Variants in TANC2 observed in about 807,000 individuals in gnomAD.
The protein encoded by TANC2 is protein TANC2.
A neutral mutation model predicts 210.5 loss-of-function variants in TANC2; 26 were observed. The ratio of observed to expected loss-of-function variants is 0.12; its 90% CI spans 0.09 to 0.17. TANC2 has a LOEUF of 0.17. Ranked by LOEUF, TANC2 falls within the 10% of genes least tolerant of loss-of-function variation. The probability of loss-of-function intolerance (pLI) is 1.00; values close to 1 mark genes in which losing one functional copy is unlikely to be tolerated. For synonymous variants in TANC2, 931 were observed against 967.1 expected, an observed-to-expected ratio of 0.96 and a Z score of 0.69; for missense variants, 2,129 against 2,608.9, an observed-to-expected ratio of 0.82 and a Z score of 4.01.
At chr17:63,069,992 C>G (rs1004080275) in intron 2 of TANC2, among the ~76,000 whole-genome samples, 5 of 152,024 alleles carry the variant, frequency 3.3e-5, no homozygotes, top group Non-Finnish European at 5.9e-5. Context: ...GCTTTTATTT[C>G]CTTATTAACT....
Position 63,228,292 on chromosome 17 carries a change from T to C in TANC2, c.770-9522T>C, listed in dbSNP as rs1441012136. On this transcript the variant is annotated intron_variant, in intron 7 of 27. Coordinates refer to ENST00000689528, the Ensembl canonical transcript of TANC2. The stretch of plus-strand genomic sequence containing the variant: ...TCTATTCTGTTCCATGGTCTATGTG[T>C]CTGTTTTTGTACTAGTACCATGCTG... 2.0e-5 allele frequency among the ~76,000 whole-genome samples: 3 copies of C among 152,190 alleles called. 1 individual carries two copies. The highest frequency in any genetic ancestry group is 2.0e-4 in the Admixed American group (3 of 15,274).
At chr17:63,207,131 CTAAA>C (rs796645304) in intron 7 of TANC2, among the ~76,000 whole-genome samples, 7 of 150,952 alleles carry the variant, frequency 4.6e-5, no homozygotes, top group African/African-American at 1.5e-4. Flanking sequence ...ATTTGTATCC[CTAAA>C]TAATTTATTA....
chr17:63,254,118 T>G (rs1444058201), intron 8 of TANC2, among the ~76,000 whole-genome samples: 1 of 152,208 alleles, frequency 6.6e-6, no homozygotes, highest in African/African-American at 2.4e-5. Flanking sequence ...TTCCAGTCAA[T>G]GAACATGAAA....
chr17:63,290,708 A>G (rs563526991), intron 9 of TANC2, among the ~76,000 whole-genome samples: 1 of 152,180 alleles, frequency 6.6e-6, no homozygotes, highest in Admixed American at 6.5e-5. Flanking sequence ...TGGGAGGGTT[A>G]ATCTAGTGCC....
exon 28 of TANC2, chr17:63,423,086 C>T (rs1346965635): frequency 1.3e-5 from 2 of 152,218 alleles, no homozygotes; most frequent in Non-Finnish European, 1.5e-5. Flanking sequence ...CCAATATTTC[C>T]ACCCAGGGTC....
At chr17:63,368,618 A>C (rs2047176153) in intron 14 of TANC2, among the ~76,000 whole-genome samples, 1 of 152,230 alleles carries the variant, frequency 6.6e-6, no homozygotes. Flanking sequence ...GGCAGTTTCA[A>C]GGAGGGGATG....
chr17:63,181,700 C>T (rs1237199598), intron 5 of TANC2, among the ~76,000 whole-genome samples: 1 of 152,170 alleles, frequency 6.6e-6, no homozygotes, highest in East Asian at 1.9e-4. Context: ...ATGATTGAAC[C>T]TCCAAGGACC....
chr17:63,188,115 G>A (rs986799439), intron 5 of TANC2, among the ~76,000 whole-genome samples: 3 of 151,942 alleles, frequency 2.0e-5, no homozygotes, highest in Non-Finnish European at 4.4e-5. Flanking sequence ...TACACAAAAT[G>A]TACCCAAAAA....
chr17:63,227,214 C>T (rs1283156803), intron 7 of TANC2, among the ~76,000 whole-genome samples: 1 of 152,170 alleles, frequency 6.6e-6, no homozygotes, highest in Non-Finnish European at 1.5e-5. Flanking sequence ...TTTACATTCC[C>T]ACCAATAGTG....
intron 3 of TANC2, among the ~76,000 whole-genome samples, chr17:63,087,737 G>A (rs956684697): frequency 1.3e-5 from 2 of 152,086 alleles, no homozygotes; most frequent in African/African-American, 4.8e-5. Flanking sequence ...TGATTTCTCA[G>A]GCTTGTCTGC....
chr17:63,334,879 A>C lies in TANC2; in HGVS notation c.1576-5222A>C, dbSNP rs1349691491. On this transcript the variant is annotated intron_variant, in intron 11 of 27. Coordinates refer to ENST00000689528, the Ensembl canonical transcript of TANC2. ...CATGGCATGTGTCCAGCTTCTGAGG[A>C]GGCCTTGGGGAGCTTTCATTCATGG... Among the ~76,000 whole-genome samples the C allele has an allele frequency of 2.6e-5, 4 of 152,272 alleles. No homozygotes were observed. In the East Asian group the frequency reaches 5.8e-4, roughly 22 times the overall value.
chr17:63,394,971 A>G (rs1408883291), intron 17 of TANC2, among the ~76,000 whole-genome samples: 3 of 152,234 alleles, frequency 2.0e-5, no homozygotes, highest in African/African-American at 7.2e-5. Flanking sequence ...AATCAGTAGG[A>G]AAGCCAGAAA....
At chr17:63,006,068 A>C (rs2033614936) in intron 1 of TANC2, among the ~76,000 whole-genome samples, 1 of 152,040 alleles carries the variant, frequency 6.6e-6, no homozygotes, top group Admixed American at 6.6e-5. Flanking sequence ...TAAATGTTAA[A>C]TTTGGTATAA....
At chr17:63,203,414 A>G (rs1024039187) in intron 7 of TANC2, among the ~76,000 whole-genome samples, 2 of 152,192 alleles carry the variant, frequency 1.3e-5, no homozygotes. Context: ...TGCCATATAC[A>G]GTATCTGTGC....
At chr17:63,109,709 G>C (rs925260492) in intron 4 of TANC2, among the ~76,000 whole-genome samples, 1 of 151,694 alleles carries the variant, frequency 6.6e-6, no homozygotes, top group Non-Finnish European at 1.5e-5. Flanking sequence ...CAAACTTAGT[G>C]GATAGTCAAC....
intron 8 of TANC2, among the ~76,000 whole-genome samples, chr17:63,248,821 T>C (rs182609110): frequency 1.7e-4 from 26 of 152,298 alleles, no homozygotes; most frequent in Admixed American, 1.1e-3. Flanking sequence ...TGTGACACTT[T>C]TGTGGGGAGA....
intron 5 of TANC2, chr17:63,154,168 C>A (rs1473886074): frequency 6.6e-6 from 1 of 152,064 alleles, no homozygotes; most frequent in African/African-American, 2.4e-5. Context: ...AAGTAAACTA[C>A]CAGAATAAAG....
At chr17:63,240,858 A>G (rs1238471606) in intron 8 of TANC2, among the ~76,000 whole-genome samples, 2 of 152,174 alleles carry the variant, frequency 1.3e-5, no homozygotes, top group Middle Eastern at 3.2e-3. Flanking sequence ...TTCTTCTTCT[A>G]GAAAGCATTC....
chr17:62,983,218 G>A (rs941218178), intron 1 of TANC2, among the ~76,000 whole-genome samples: 23 of 151,818 alleles, frequency 1.5e-4, no homozygotes, highest in African/African-American at 4.4e-4. Flanking sequence ...ATTATAAATC[G>A]AATTGCCTTC....
Sources: gnomAD v4.1 joint callset for allele counts (sites outside exome capture counted in the v4.1 genomes callset) on GRCh38, gnomAD v4.1.1 for gene constraint, MANE v1.5 for transcripts, NCBI Gene and HGNC (gene_info 2026-07-23, HGNC 2026-07-21) for gene names.